The following SNW1 variants were observed in gnomAD, a reference collection of about 807,000 sequenced individuals.
SNW1 encodes SNW domain-containing protein 1.
A neutral mutation model predicts 75.6 loss-of-function variants in SNW1; 9 were observed. The ratio of observed to expected loss-of-function variants is 0.12; its 90% CI spans 0.07 to 0.21. The LOEUF is 0.21. SNW1 is among the 10% of genes least tolerant of loss of function. SNW1 has a pLI of 1.00. For synonymous variants in SNW1, 200 were observed against 219.1 expected, an observed-to-expected ratio of 0.91 and a Z score of 0.77; for missense variants, 409 against 670.9, an observed-to-expected ratio of 0.61 and a Z score of 4.31.
intron 10 of SNW1, among the ~76,000 whole-genome samples, chr14:77,726,586 G>A (rs902681794): frequency 1.9e-4 from 29 of 152,146 alleles, no homozygotes; most frequent in African/African-American, 6.5e-4. Flanking sequence ...TTGGGAGGCT[G>A]AGGCAGGCAG....
intron 12 of SNW1, among the ~76,000 whole-genome samples, chr14:77,719,076 G>A (rs1169119189): frequency 6.6e-6 from 1 of 152,094 alleles, no homozygotes; most frequent in African/African-American, 2.4e-5. Context: ...ACCATGTCCA[G>A]CTAATTTTTT....
Position 77,717,605 on chromosome 14 carries a change from C to G in SNW1, c.*483G>C, listed in dbSNP as rs1181385416. The G allele has an allele frequency of 5.2e-6, 8 of 1,545,978 alleles. No homozygotes were observed. The highest frequency in any genetic ancestry group is 7.1e-6 in the Non-Finnish European group (8 of 1,123,746). The stretch of plus-strand genomic sequence containing the variant: ...AAGTTAACATAACTGAGAATTTTGT[C>G]TAAATGTTTTTATTTGAAACAAATA... On this transcript the variant is annotated 3_prime_UTR_variant, in exon 14 of 14. Coordinates refer to ENST00000261531, the MANE Select transcript of SNW1 (RefSeq NM_012245.3).
intron 11 of SNW1, among the ~76,000 whole-genome samples, chr14:77,721,636 A>C (rs2080541247): frequency 6.6e-6 from 1 of 151,750 alleles, no homozygotes; most frequent in Non-Finnish European, 1.5e-5. Context: ...TTTACCCTCA[A>C]CTCTCAAGAG....
At chr14:77,740,981 C>T (rs541786775) in intron 3 of SNW1, among the ~76,000 whole-genome samples, 128 of 151,058 alleles carry the variant, frequency 8.5e-4, no homozygotes, top group Non-Finnish European at 1.7e-3. Context: ...CCTGTAATCT[C>T]AGCTACATGA....
intron 3 of SNW1, among the ~76,000 whole-genome samples, chr14:77,746,826 T>C (rs1449472465): frequency 1.3e-5 from 2 of 152,166 alleles, no homozygotes; most frequent in Non-Finnish European, 2.9e-5. Flanking sequence ...TCTAAGTTTG[T>C]ATGTATACAT....
chr14:77,734,843 T>G, intron 8 of SNW1, 104 bp downstream of exon 8: 1 of 760,472 alleles, frequency 1.3e-6, no homozygotes, highest in Non-Finnish European at 2.2e-6. Context: ...AAATGCTCAG[T>G]TAAACCACGT....
chr14:77,725,781 G>T (rs1318065646), intron 10 of SNW1, among the ~76,000 whole-genome samples: 1 of 152,162 alleles, frequency 6.6e-6, no homozygotes, highest in Non-Finnish European at 1.5e-5. Context: ...GCCAGGCGTG[G>T]TGGTGCGTGC....
intron 8 of SNW1, 56 bp downstream of exon 8, chr14:77,734,891 T>C: frequency 8.6e-7 from 1 of 1,166,680 alleles, no homozygotes; most frequent in Non-Finnish European, 1.3e-6. Flanking sequence ...GTAGTTGTTT[T>C]ACTGGTGTTT....
intron 11 of SNW1, among the ~76,000 whole-genome samples, chr14:77,721,622 G>T (rs1411206467): frequency 1.3e-5 from 2 of 152,052 alleles, no homozygotes; most frequent in African/African-American, 4.8e-5. Flanking sequence ...CCTTCTACAT[G>T]TACTTTACCC....
At chr14:77,722,990 G>A in intron 11 of SNW1, 191 bp downstream of exon 11, 3 of 542,864 alleles carry the variant, frequency 5.5e-6, no homozygotes, top group Non-Finnish European at 1.0e-5. Flanking sequence ...GACTACAGGC[G>A]CCTGCCACGA....
At chr14:77,725,369 G>A (rs935867222) in intron 10 of SNW1, among the ~76,000 whole-genome samples, 3 of 152,172 alleles carry the variant, frequency 2.0e-5, no homozygotes, top group Non-Finnish European at 2.9e-5. Context: ...TTTGCTGTCT[G>A]TGCTTTTGAG....
chr14:77,750,250 G>A (rs2080796867), intron 3 of SNW1, among the ~76,000 whole-genome samples: 1 of 152,100 alleles, frequency 6.6e-6, no homozygotes, highest in Non-Finnish European at 1.5e-5. Flanking sequence ...TTAGACAGAA[G>A]AAGGCATTTC....
intron 6 of SNW1, 41 bp from the exon 7 acceptor site, chr14:77,736,047 T>G: frequency 7.0e-7 from 1 of 1,436,710 alleles, no homozygotes; most frequent in Non-Finnish European, 9.7e-7. Context: ...TATAGTTTCC[T>G]CCCTTTTAGT....
intron 1 of SNW1, among the ~76,000 whole-genome samples, chr14:77,757,945 TC>T (rs2080854499): frequency 7.2e-5 from 10 of 137,962 alleles, no homozygotes; most frequent in African/African-American, 1.7e-4. Flanking sequence ...TATCTATCTA[TC>T]TATCTATCGC....
At chr14:77,750,134 G>A (rs2080795959) in intron 3 of SNW1, among the ~76,000 whole-genome samples, 1 of 152,166 alleles carries the variant, frequency 6.6e-6, no homozygotes, top group Admixed American at 6.6e-5. Context: ...CCAGGAGGTC[G>A]AGGCTTCAGT....
At chr14:77,743,608 A>G (rs960272857) in intron 3 of SNW1, among the ~76,000 whole-genome samples, 3 of 152,174 alleles carry the variant, frequency 2.0e-5, no homozygotes, top group Admixed American at 1.3e-4. Context: ...TTTAAATCCT[A>G]TTTTATATAT....
intron 3 of SNW1, among the ~76,000 whole-genome samples, chr14:77,742,434 T>C (rs2080726104): frequency 6.6e-6 from 1 of 152,168 alleles, no homozygotes; most frequent in Admixed American, 6.5e-5. Context: ...AAATACAATA[T>C]ACTCTTGAAA....
chr14:77,732,674 A>G, intron 8 of SNW1, 73 bp from the exon 9 acceptor site: 1 of 920,160 alleles, frequency 1.1e-6, no homozygotes, highest in Non-Finnish European at 1.7e-6. Context: ...AATTAATTTT[A>G]TTTTTTTCGA....
intron 3 of SNW1, among the ~76,000 whole-genome samples, chr14:77,741,148 G>A (rs1273262957): frequency 6.7e-6 from 1 of 149,676 alleles, no homozygotes; most frequent in East Asian, 2.0e-4. Context: ...ATAATGACTG[G>A]AGATATTTGA....
Sources: gnomAD v4.1 joint callset for allele counts (sites outside exome capture counted in the v4.1 genomes callset) on GRCh38, gnomAD v4.1.1 for gene constraint, MANE v1.5 for transcripts, NCBI Gene and HGNC (gene_info 2026-07-23, HGNC 2026-07-21) for gene names.